SKAP2: variants seen among roughly 807,000 people sequenced by gnomAD.
The protein encoded by SKAP2 is src kinase associated phosphoprotein 2.
In SKAP2, 28 loss-of-function variants were observed where a neutral mutation model predicts 54.9. That is an observed-to-expected ratio of 0.51 (90% CI 0.38 to 0.70). SKAP2 has a LOEUF of 0.70. SKAP2 is among the 30% of genes least tolerant of loss of function. The pLI, the probability that SKAP2 is intolerant of heterozygous loss-of-function variation, is 0.00. For missense variants in SKAP2, 356 were observed against 424.1 expected (o/e 0.84, Z 1.41); for synonymous variants, 137 against 134.3 (o/e 1.02, Z -0.14).
chr7:26,736,396 T>C (rs1163469744), intron 6 of SKAP2, among the ~76,000 whole-genome samples: 1 of 151,776 alleles, frequency 6.6e-6, no homozygotes, highest in Non-Finnish European at 1.5e-5. Context: ...AGTTTACAAA[T>C]GCCATGGCAA....
At chr7:26,708,362 T>C (rs1040342206) in intron 9 of SKAP2, among the ~76,000 whole-genome samples, 2 of 152,082 alleles carry the variant, frequency 1.3e-5, no homozygotes, top group African/African-American at 4.8e-5. Flanking sequence ...TTTTTTATTA[T>C]TGTAGGGGCA....
In SKAP2 at chr7:26,737,943, T is replaced by C. The variant is rs149470321; in HGVS notation, c.469+852A>G. On this transcript the variant is annotated intron_variant, in intron 6 of 12. Coordinates refer to ENST00000345317, the MANE Select transcript of SKAP2 (RefSeq NM_003930.5). ...GAACATGGACTCTAACCATATTCTC[T>C]AGGTTAAAATCCCAAATTTGAGCTG... 2.0e-4 allele frequency among the ~76,000 whole-genome samples: 30 copies of C among 152,288 alleles called. No individual in the cohort carries two copies. In the East Asian group the frequency reaches 5.4e-3, roughly 27 times the overall value.
At chr7:26,788,042 C>T (rs1256729828) in intron 4 of SKAP2, among the ~76,000 whole-genome samples, 1 of 152,098 alleles carries the variant, frequency 6.6e-6, no homozygotes, top group Non-Finnish European at 1.5e-5. Context: ...CATATCACCA[C>T]CTCTTTTCAA....
At chr7:26,678,575 GGA>G (rs1254759490) in intron 11 of SKAP2, among the ~76,000 whole-genome samples, 1 of 151,682 alleles carries the variant, frequency 6.6e-6, no homozygotes, top group African/African-American at 2.4e-5. Context: ...CAAGTAGCTG[GGA>G]CTACAGGTGC....
At chr7:26,843,533 T>C (rs1001455594) in intron 4 of SKAP2, among the ~76,000 whole-genome samples, 6 of 151,942 alleles carry the variant, frequency 3.9e-5, no homozygotes, top group African/African-American at 9.7e-5. Context: ...TAAGTGACAA[T>C]ATAAAAATGA....
chr7:26,805,041 T>A (rs952184375), intron 4 of SKAP2, among the ~76,000 whole-genome samples: 6 of 152,082 alleles, frequency 3.9e-5, no homozygotes, highest in African/African-American at 1.4e-4. Flanking sequence ...GATAATATAC[T>A]ACAATTTTAA....
chr7:26,759,443 A>G (rs918893977), intron 4 of SKAP2, among the ~76,000 whole-genome samples: 1 of 152,154 alleles, frequency 6.6e-6, no homozygotes, highest in Non-Finnish European at 1.5e-5. Flanking sequence ...CAATCCACAC[A>G]GTTAATCCCT....
At chr7:26,831,759 C>A (rs1377069416) in intron 4 of SKAP2, among the ~76,000 whole-genome samples, 2 of 152,068 alleles carry the variant, frequency 1.3e-5, no homozygotes, top group East Asian at 3.9e-4. Context: ...TGAACCCAGG[C>A]AGTATGTTCT....
intron 4 of SKAP2, among the ~76,000 whole-genome samples, chr7:26,770,678 G>A (rs1783171201): frequency 6.6e-6 from 1 of 152,174 alleles, no homozygotes; most frequent in Non-Finnish European, 1.5e-5. Flanking sequence ...TCATGGCACA[G>A]TCCCTCACGG....
chr7:26,833,057 C>T (rs951693943), intron 4 of SKAP2, among the ~76,000 whole-genome samples: 2 of 152,102 alleles, frequency 1.3e-5, no homozygotes, highest in African/African-American at 4.8e-5. Flanking sequence ...AAGAGAGAAG[C>T]TGAGCAGTGT....
intron 4 of SKAP2, among the ~76,000 whole-genome samples, chr7:26,825,643 G>C (rs1201496337): frequency 6.7e-6 from 1 of 148,552 alleles, no homozygotes; most frequent in African/African-American, 2.5e-5. Flanking sequence ...TGAAAGGTTT[G>C]AAGAATTAAT....
At chr7:26,755,433 T>A (rs1782769199) in intron 4 of SKAP2, among the ~76,000 whole-genome samples, 2 of 152,078 alleles carry the variant, frequency 1.3e-5, no homozygotes, top group Non-Finnish European at 2.9e-5. Flanking sequence ...TTTGCATGGA[T>A]GTCACAATAG....
At chr7:26,670,033 C>T (rs932971844) in intron 12 of SKAP2, 58 bp downstream of exon 12, 13 of 723,790 alleles carry the variant, frequency 1.8e-5, no homozygotes, top group Admixed American at 3.8e-5. Context: ...AGACTCATAA[C>T]GAAGAGACCA....
chr7:26,834,511 A>G (rs1230996547), intron 4 of SKAP2, among the ~76,000 whole-genome samples: 4 of 152,234 alleles, frequency 2.6e-5, no homozygotes, highest in African/African-American at 9.6e-5. Flanking sequence ...GATGAAGGGG[A>G]TATCACAACT....
At chr7:26,674,607 C>G (rs1036359674) in intron 11 of SKAP2, among the ~76,000 whole-genome samples, 2 of 152,182 alleles carry the variant, frequency 1.3e-5, no homozygotes, top group Admixed American at 1.3e-4. Context: ...CTAAGGACCT[C>G]CATGATGTTT....
At chr7:26,778,692 C>A (rs1178142423) in intron 4 of SKAP2, among the ~76,000 whole-genome samples, 5 of 151,694 alleles carry the variant, frequency 3.3e-5, no homozygotes, top group African/African-American at 1.2e-4. Context: ...GCAGGTAACA[C>A]CTTACATCAA....
Position 26,854,145 on chromosome 7 carries a change from T to G in SKAP2, c.191A>C (p.Gln64Pro). The G allele has an allele frequency of 6.3e-7, 1 of 1,585,208 alleles. No individual in the cohort carries two copies. The highest frequency in any genetic ancestry group is 8.6e-7 in the Non-Finnish European group (1 of 1,165,988). The change falls in exon 3 of 13, where the codon CAA becomes CCA. Residue 64 changes from glutamine to proline, a missense_variant. Gln to Pro is a moderately conservative substitution (Grantham distance 76). Coordinates refer to ENST00000345317, the MANE Select transcript of SKAP2 (RefSeq NM_003930.5). ...DVKSIYLQEF[Q>P]DKGDAEDGEE... ...CAAACATGAAAACTTACCTTTGTCT[T>G]GAAATTCCTGAAGATAGCTACAAAA...
intron 4 of SKAP2, among the ~76,000 whole-genome samples, chr7:26,770,296 C>A (rs1411141524): frequency 6.6e-6 from 1 of 152,126 alleles, no homozygotes; most frequent in Admixed American, 6.5e-5. Context: ...ATGGTGGACA[C>A]CCCTTCCCCC....
intron 1 of SKAP2, 65 bp from the exon 2 acceptor site, chr7:26,854,955 T>C (rs954425862): frequency 8.8e-7 from 1 of 1,131,986 alleles, no homozygotes; most frequent in South Asian, 1.4e-5. Context: ...TGAAGATAAA[T>C]AGGACAATGA....
Sources: allele counts gnomAD v4.1 joint callset (sites outside exome capture counted in the v4.1 genomes callset), GRCh38; gene constraint gnomAD v4.1.1; transcripts MANE v1.5; gene names NCBI Gene and HGNC (gene_info 2026-07-23, HGNC 2026-07-21).